Variants in GRIK1 observed in about 807,000 individuals in gnomAD.
GRIK1 encodes glutamate receptor ionotropic, kainate 1.
A neutral mutation model predicts 105.7 loss-of-function variants in GRIK1; 69 were observed. The observed-to-expected ratio is 0.65, with a 90% confidence interval of 0.54 to 0.80. GRIK1 has a LOEUF of 0.80. Among genes scored for constraint, GRIK1 ranks in the 30% least tolerant of loss-of-function variants. The pLI is 0.00. For missense variants in GRIK1, 1,109 were observed against 1,167.3 expected (o/e 0.95, Z 0.73); for synonymous variants, 438 against 431.3 (o/e 1.02, Z -0.19).
rs538732138 is a variant in GRIK1, at chr21:29,739,522, C to G, written c.119-45459G>C. On this transcript the variant is annotated intron_variant, in intron 1 of 17. Transcript: ENST00000327783. Reference sequence around the variant, plus strand: ...GAAGAAGTCTAGGGAGAGATAAGACCAAGCCAGGGCAGTTAGCTGGTTACT... The same window carrying G: ...GAAGAAGTCTAGGGAGAGATAAGACGAAGCCAGGGCAGTTAGCTGGTTACT... Among the ~76,000 whole-genome samples, 9 of 152,180 alleles carry G rather than the reference C, an allele frequency of 5.9e-5. No homozygotes were observed. In the East Asian group the frequency reaches 1.5e-3, roughly 26 times the overall value.
intron 1 of GRIK1, among the ~76,000 whole-genome samples, chr21:29,918,413 G>C (rs2071076904): frequency 6.6e-6 from 1 of 152,002 alleles, no homozygotes; most frequent in Admixed American, 6.6e-5. Context: ...TGCTAAGAGA[G>C]GCTGTGCAAT....
chr21:29,743,783 A>T (rs532078588), intron 1 of GRIK1, among the ~76,000 whole-genome samples: 1 of 152,330 alleles, frequency 6.6e-6, no homozygotes, highest in South Asian at 2.1e-4. Context: ...AACATAAATC[A>T]AGTGAAAATT....
At chr21:29,842,945 T>C (rs1194780512) in intron 1 of GRIK1, among the ~76,000 whole-genome samples, 2 of 152,214 alleles carry the variant, frequency 1.3e-5, no homozygotes, top group Non-Finnish European at 2.9e-5. Context: ...ATAAGGTATA[T>C]ATAGTAAAGG....
intron 1 of GRIK1, chr21:29,761,117 C>T (rs772405480): frequency 6.6e-6 from 1 of 152,184 alleles, no homozygotes; most frequent in African/African-American, 2.4e-5. Flanking sequence ...CTGTGACTAG[C>T]CCAAGTTGTC....
At chr21:29,699,654 T>G (rs912474704) in intron 1 of GRIK1, among the ~76,000 whole-genome samples, 1 of 147,396 alleles carries the variant, frequency 6.8e-6, no homozygotes, top group Non-Finnish European at 1.5e-5. Flanking sequence ...ATCAGCATCT[T>G]TTTTTTTTTT....
At chr21:29,712,093 C>CACACACAT (rs2064067935) in intron 1 of GRIK1, among the ~76,000 whole-genome samples, 1 of 138,622 alleles carries the variant, frequency 7.2e-6, no homozygotes, top group Non-Finnish European at 1.5e-5. Flanking sequence ...TACACACACA[C>CACACACAT]ACACACACAC....
In GRIK1 at chr21:29,598,891, T is replaced by C. The variant is rs1192891501; in HGVS notation, c.1145A>G (p.Asn382Ser). Reference sequence around the variant, plus strand: ...CAGATCAAAATCCTTCCTCAAGCCATTGGTTTTATTAAAGGTGATATGCCC... The same window carrying C: ...CAGATCAAAATCCTTCCTCAAGCCACTGGTTTTATTAAAGGTGATATGCCC... ...LTGHITFNKT[N>S]GLRKDFDLDI... The change falls in exon 8 of 18, where the codon AAT becomes AGT. Residue 382 changes from asparagine to serine, a missense_variant. By Grantham distance (46) the Asn-to-Ser change is conservative. This residue lies in a region of GRIK1 where 612 missense variants were observed against 586.0 expected (regional missense o/e 1.04). Coordinates refer to ENST00000327783, the MANE Select transcript of GRIK1 (RefSeq NM_001330994.2). 2 of 1,600,770 alleles carry C rather than the reference T, an allele frequency of 1.2e-6. No individual in the cohort carries two copies. Among genetic ancestry groups the C allele is most frequent in the Admixed American group, 1.7e-5 (1 of 58,842 alleles).
chr21:29,696,722 TG>T (rs1470932325), intron 1 of GRIK1, among the ~76,000 whole-genome samples: 1 of 152,198 alleles, frequency 6.6e-6, no homozygotes, highest in Non-Finnish European at 1.5e-5. Flanking sequence ...TCAGCATCCT[TG>T]GGGAGACCAA....
chr21:29,720,009 G>C (rs2064280754), intron 1 of GRIK1, among the ~76,000 whole-genome samples: 1 of 152,150 alleles, frequency 6.6e-6, no homozygotes, highest in Non-Finnish European at 1.5e-5. Context: ...CTTTTAAGTA[G>C]GAAAAGGATC....
chr21:29,911,468 T>G (rs758311639), intron 1 of GRIK1, among the ~76,000 whole-genome samples: 17 of 152,020 alleles, frequency 1.1e-4, no homozygotes, highest in Non-Finnish European at 2.5e-4. Flanking sequence ...TGCTATAAAC[T>G]ATGTTATTGA....
chr21:29,537,925 C>T (rs746280116), intron 16 of GRIK1, 41 bp from the exon 17 acceptor site: 5 of 925,586 alleles, frequency 5.4e-6, no homozygotes, highest in Non-Finnish European at 6.8e-6. Flanking sequence ...TTAAATTGTA[C>T]ATTTTCTCCA....
At chr21:29,579,057 GGACA>G (rs2090958816) in intron 13 of GRIK1, among the ~76,000 whole-genome samples, 1 of 152,008 alleles carries the variant, frequency 6.6e-6, no homozygotes, top group African/African-American at 2.4e-5. Flanking sequence ...CATTAAGAGT[GGACA>G]GACAGGTGAA....
At chr21:29,842,609 G>A (rs2068012745) in intron 1 of GRIK1, among the ~76,000 whole-genome samples, 1 of 152,168 alleles carries the variant, frequency 6.6e-6, no homozygotes, top group Admixed American at 6.5e-5. Context: ...ATGTAGGACG[G>A]TCAATTCCAA....
intron 1 of GRIK1, among the ~76,000 whole-genome samples, chr21:29,729,147 A>G (rs1384427726): frequency 6.6e-6 from 1 of 152,162 alleles, no homozygotes; most frequent in Non-Finnish European, 1.5e-5. Context: ...ATGTGTTGGA[A>G]ATACCACTTT....
chr21:29,691,736 A>G (rs1006570706), intron 2 of GRIK1, among the ~76,000 whole-genome samples: 2 of 152,230 alleles, frequency 1.3e-5, no homozygotes, highest in Non-Finnish European at 2.9e-5. Context: ...CTACAAATAA[A>G]AATAGTTTGA....
intron 1 of GRIK1, among the ~76,000 whole-genome samples, chr21:29,745,875 G>A (rs901463794): frequency 4.6e-5 from 7 of 152,144 alleles, no homozygotes; most frequent in Admixed American, 6.5e-5. Flanking sequence ...AGGCCAAGGC[G>A]GGGGGATCAC....
chr21:29,583,447 G>T (rs956197224), intron 12 of GRIK1, among the ~76,000 whole-genome samples: 1 of 152,030 alleles, frequency 6.6e-6, no homozygotes, highest in African/African-American at 2.4e-5. Flanking sequence ...AAGAGAAGGG[G>T]TTTTATTTTT....
chr21:29,630,499 G>T (rs1320266867), intron 7 of GRIK1: 1 of 471,486 alleles, frequency 2.1e-6, no homozygotes, highest in Admixed American at 2.3e-5. Flanking sequence ...TAATAAAAAG[G>T]GATTTAGAAA....
intron 1 of GRIK1, among the ~76,000 whole-genome samples, chr21:29,934,725 T>C (rs1420468352): frequency 6.6e-6 from 1 of 152,150 alleles, no homozygotes; most frequent in African/African-American, 2.4e-5. Flanking sequence ...TTTCTACCAG[T>C]AATAACTGAA....
Sources: allele counts gnomAD v4.1 joint callset (sites outside exome capture counted in the v4.1 genomes callset), GRCh38; gene constraint gnomAD v4.1.1; regional missense constraint gnomAD v4.1.1; transcripts MANE v1.5; gene names NCBI Gene and HGNC (gene_info 2026-07-23, HGNC 2026-07-21).